The following SYBU variants were observed in gnomAD, a reference collection of about 807,000 sequenced individuals.
The protein encoded by SYBU is GOLSYN A protein.
Under a neutral mutation model 35.9 loss-of-function variants are expected in SYBU, and 21 were observed. The observed-to-expected ratio is 0.58, with a 90% CI of 0.41 to 0.84. The LOEUF is 0.84. Among genes scored for constraint, SYBU ranks in the 40% least tolerant of loss-of-function variants. SYBU has a pLI of 0.00. For synonymous variants in SYBU, 319 were observed against 324.3 expected, an observed-to-expected ratio of 0.98 and a Z score of 0.18; for missense variants, 768 against 848.2, an observed-to-expected ratio of 0.91 and a Z score of 1.17.
chr8:109,670,098 C>A (rs981679575), intron 1 of SYBU, among the ~76,000 whole-genome samples: 1 of 151,944 alleles, frequency 6.6e-6, no homozygotes, highest in Non-Finnish European at 1.5e-5. Flanking sequence ...GAATTATGAG[C>A]AGAACTCTAA....
At chr8:109,673,430 G>A (rs1249465501) in intron 1 of SYBU, among the ~76,000 whole-genome samples, 1 of 152,134 alleles carries the variant, frequency 6.6e-6, no homozygotes, top group Non-Finnish European at 1.5e-5. Context: ...CGGCAGACCT[G>A]CAACAGAGGG....
At chr8:109,663,951 A>G (rs1816666523) in intron 1 of SYBU, among the ~76,000 whole-genome samples, 2 of 152,202 alleles carry the variant, frequency 1.3e-5, no homozygotes, top group Admixed American at 1.3e-4. Flanking sequence ...TAGTGTTGCT[A>G]TTACTATTAA....
At chr8:109,667,447 A>G (rs1444452890) in intron 1 of SYBU, among the ~76,000 whole-genome samples, 1 of 152,002 alleles carries the variant, frequency 6.6e-6, no homozygotes, top group Non-Finnish European at 1.5e-5. Context: ...TGTACTCCCT[A>G]GAAATAAACA....
At chr8:109,614,907 GA>G (rs1280499317) in intron 3 of SYBU, among the ~76,000 whole-genome samples, 1 of 152,242 alleles carries the variant, frequency 6.6e-6, no homozygotes, top group African/African-American at 2.4e-5. Flanking sequence ...CTGGAAACAG[GA>G]AGGGCTTTCC....
At chr8:109,600,899 T>G (rs897190394) in intron 3 of SYBU, among the ~76,000 whole-genome samples, 3 of 152,208 alleles carry the variant, frequency 2.0e-5, no homozygotes, top group Non-Finnish European at 4.4e-5. Flanking sequence ...ATGTGTGCAT[T>G]GGGTGATAGC....
intron 3 of SYBU, among the ~76,000 whole-genome samples, chr8:109,609,105 T>C (rs1016653302): frequency 6.6e-6 from 1 of 152,150 alleles, no homozygotes; most frequent in Non-Finnish European, 1.5e-5. Flanking sequence ...TCTACCTCAA[T>C]GTCTAAATAT....
At chr8:109,624,748 AAAATAGAAT>A (rs1380948878) in intron 2 of SYBU, among the ~76,000 whole-genome samples, 1 of 152,204 alleles carries the variant, frequency 6.6e-6, no homozygotes, top group Non-Finnish European at 1.5e-5. Flanking sequence ...AAATATATAG[AAAATAGAAT>A]AATGAGTTAA....
chr8:109,659,740 A>G (rs567195286), intron 1 of SYBU, among the ~76,000 whole-genome samples: 85 of 152,188 alleles, frequency 5.6e-4, no homozygotes, highest in Admixed American at 1.6e-3. Context: ...CCCAAATCTT[A>G]TAGGTCTTTT....
At chr8:109,678,461 G>C (rs1409218619) in intron 1 of SYBU, among the ~76,000 whole-genome samples, 6 of 102,218 alleles carry the variant, frequency 5.9e-5, no homozygotes, top group African/African-American at 2.3e-4. Flanking sequence ...TTTTTTTTGA[G>C]ACAGAGTCTT....
intron 1 of SYBU, among the ~76,000 whole-genome samples, chr8:109,690,659 C>T (rs2130795085): frequency 6.6e-6 from 1 of 152,282 alleles, no homozygotes; most frequent in Middle Eastern, 3.4e-3. Flanking sequence ...GAATCTCTTT[C>T]CACATACTAA....
At chr8:109,632,203 C>T (rs1563745162) in intron 2 of SYBU, among the ~76,000 whole-genome samples, 1 of 152,160 alleles carries the variant, frequency 6.6e-6, no homozygotes, top group South Asian at 2.1e-4. Flanking sequence ...GCGCCCGCCA[C>T]CATGCCTGGT....
chr8:109,590,935 G>A (rs1291691455), intron 3 of SYBU, among the ~76,000 whole-genome samples: 1 of 152,190 alleles, frequency 6.6e-6, no homozygotes, highest in Non-Finnish European at 1.5e-5. Flanking sequence ...AGGCAAAAGA[G>A]TCTGATAATA....
In SYBU at chr8:109,575,280, C is replaced by A. The variant is rs1252996039; in HGVS notation, c.1618G>T (p.Val540Leu). The change falls in exon 7 of 7, where the codon GTG (valine) becomes TTG (leucine). Residue 540 changes from valine (V) to leucine (L), a missense_variant. Transcript: ENST00000276646. ...ESFPESLSAL[V>L]VDLTPRNPNS... ...GGATTTCTTGGAGTTAAATCAACCA[C>A]TAAGGCAGAGAGGGACTCTGGGAAG... is the stretch of plus-strand genomic sequence containing the variant. The A allele has an allele frequency of 2.5e-6, 4 of 1,614,190 alleles. No homozygotes were observed. Among genetic ancestry groups the A allele is most frequent in the Non-Finnish European group, 3.4e-6 (4 of 1,180,036 alleles).
chr8:109,668,165 G>GGAGAGAGAGAGAGGGGAGA (rs1816830057), intron 1 of SYBU, among the ~76,000 whole-genome samples: 1 of 88,990 alleles, frequency 1.1e-5, no homozygotes, highest in Non-Finnish European at 2.0e-5. Flanking sequence ...GGGGAGAGGG[G>GGAGAGAGAGAGAGGGGAGA]GAGAGAGAGA....
intron 4 of SYBU, among the ~76,000 whole-genome samples, chr8:109,582,305 T>C (rs1266230509): frequency 6.6e-6 from 1 of 152,128 alleles, no homozygotes; most frequent in Non-Finnish European, 1.5e-5. Context: ...AAATATCAGT[T>C]CTCTTCATTT....
chr8:109,577,695 C>A (rs1374231171), intron 6 of SYBU, among the ~76,000 whole-genome samples, 173 bp downstream of exon 6: 2 of 152,150 alleles, frequency 1.3e-5, no homozygotes, highest in African/African-American at 4.8e-5. Flanking sequence ...CCTGAAACAG[C>A]CATATCACAC....
upstream of SYBU, among the ~76,000 whole-genome samples, chr8:109,649,292 G>A (rs545266290): frequency 1.3e-5 from 2 of 152,048 alleles, no homozygotes; most frequent in South Asian, 2.1e-4. Context: ...ATTAGCCACC[G>A]TGCCCAGCCC....
chr8:109,584,977 G>A lies in SYBU; in HGVS notation c.530+1083C>T, dbSNP rs566525402. ...AGCTTTCTTTAAGTCTCTGCTCAGA[G>A]CTCAGTTCACCACTGAGGTATCCTA... On this transcript the variant is annotated intron_variant, in intron 4 of 6. Transcript: ENST00000276646. The surrounding 1 kb of genome is among the most constrained non-coding windows in gnomAD (Gnocchi z 4.0). Among the ~76,000 whole-genome samples the A allele has an allele frequency of 1.5e-4, 23 of 152,168 alleles. No homozygotes were observed. Among genetic ancestry groups the A allele is most frequent in the African/African-American group, 5.1e-4 (21 of 41,516 alleles).
chr8:109,616,418 A>T (rs971232383), intron 3 of SYBU, among the ~76,000 whole-genome samples: 1 of 152,180 alleles, frequency 6.6e-6, no homozygotes, highest in Non-Finnish European at 1.5e-5. Flanking sequence ...GGAATTGCTC[A>T]GTGTGAATTC....
Sources: gnomAD v4.1 joint callset for allele counts (sites outside exome capture counted in the v4.1 genomes callset) on GRCh38, gnomAD v4.1.1 for gene constraint, Gnocchi (gnomAD v3.1) non-coding constraint, MANE v1.5 for transcripts, NCBI Gene and HGNC (gene_info 2026-07-23, HGNC 2026-07-21) for gene names.